The following ARHGEF28 variants were observed in gnomAD, a reference collection of about 807,000 sequenced individuals.
ARHGEF28 encodes 190 kDa guanine nucleotide exchange factor.
A neutral mutation model predicts 206.6 loss-of-function variants in ARHGEF28; 152 were observed. That is an observed-to-expected ratio of 0.74 (90% CI 0.64 to 0.84). The LOEUF is 0.84. Ranked by LOEUF, ARHGEF28 falls within the 40% of genes least tolerant of loss-of-function variation. The probability of loss-of-function intolerance (pLI) is 0.00; values close to 1 mark genes in which losing one functional copy is unlikely to be tolerated. For synonymous variants in ARHGEF28, 763 were observed against 776.4 expected, an observed-to-expected ratio of 0.98 and a Z score of 0.29; for missense variants, 2,028 against 2,073.2, an observed-to-expected ratio of 0.98 and a Z score of 0.42.
intron 2 of ARHGEF28, among the ~76,000 whole-genome samples, chr5:73,705,227 C>T (rs78365679): frequency 0.018 from 2,699 of 152,258 alleles, 106 homozygotes; most frequent in African/African-American, 0.061. Context: ...CACGTTGGGA[C>T]AGAAGCAACC....
At chr5:73,676,077 T>C (rs1296026967) in intron 1 of ARHGEF28, among the ~76,000 whole-genome samples, 3 of 145,028 alleles carry the variant, frequency 2.1e-5, no homozygotes, top group Non-Finnish European at 1.5e-5. Flanking sequence ...TTCTTTTTTT[T>C]TTTTTTTTTT....
At chr5:73,828,916 G>C (rs574167633) in intron 9 of ARHGEF28, among the ~76,000 whole-genome samples, 8 of 152,038 alleles carry the variant, frequency 5.3e-5, no homozygotes, top group African/African-American at 1.9e-4. Flanking sequence ...CACCTCCCAG[G>C]CTCAAGCAAT....
chr5:73,685,733 C>T (rs1747423526), intron 2 of ARHGEF28, among the ~76,000 whole-genome samples: 1 of 152,134 alleles, frequency 6.6e-6, no homozygotes, highest in African/African-American at 2.4e-5. Context: ...AGCGATTCCC[C>T]TGCCTCAGCC....
intron 4 of ARHGEF28, among the ~76,000 whole-genome samples, chr5:73,766,092 C>T (rs1307168963): frequency 2.0e-5 from 3 of 150,386 alleles, no homozygotes; most frequent in Non-Finnish European, 4.4e-5. Flanking sequence ...GTGGAGCTTG[C>T]AGTGAGCTGA....
chr5:73,666,143 A>G (rs1380570005), intron 1 of ARHGEF28, among the ~76,000 whole-genome samples: 1 of 152,236 alleles, frequency 6.6e-6, no homozygotes, highest in Non-Finnish European at 1.5e-5. Context: ...AAGGCAAGAA[A>G]AAAAGGGGTA....
intron 2 of ARHGEF28, among the ~76,000 whole-genome samples, chr5:73,727,735 C>G (rs1023782661): frequency 9.2e-5 from 14 of 152,124 alleles, no homozygotes; most frequent in Admixed American, 6.5e-5. Flanking sequence ...AGAATAAATC[C>G]CTGATTTCAA....
chr5:73,735,780 T>C (rs1561366382), intron 2 of ARHGEF28, among the ~76,000 whole-genome samples: 1 of 152,216 alleles, frequency 6.6e-6, no homozygotes, highest in Non-Finnish European at 1.5e-5. Context: ...CTTCTCCTCC[T>C]ATCCTACTTT....
At chr5:73,937,668 G>A (rs756114499) in intron 35 of ARHGEF28, among the ~76,000 whole-genome samples, 16 of 152,016 alleles carry the variant, frequency 1.1e-4, no homozygotes, top group African/African-American at 3.6e-4. Flanking sequence ...TATGTCCATC[G>A]ATTTACAGGC....
intron 11 of ARHGEF28, among the ~76,000 whole-genome samples, chr5:73,845,273 C>T (rs1383718383): frequency 6.6e-6 from 1 of 152,136 alleles, no homozygotes; most frequent in Admixed American, 6.5e-5. Flanking sequence ...ACCTTGGCCT[C>T]CCAAAGTGTT....
At chr5:73,731,023 A>AAAAC (rs397951908) in intron 2 of ARHGEF28, among the ~76,000 whole-genome samples, 1 of 150,510 alleles carries the variant, frequency 6.6e-6, no homozygotes, top group African/African-American at 2.5e-5. Flanking sequence ...AAAAAAAAAA[A>AAAAC]CCCTCTAATC....
chr5:73,920,603 G>A (rs542121809), intron 35 of ARHGEF28, among the ~76,000 whole-genome samples: 5 of 128,020 alleles, frequency 3.9e-5, no homozygotes, highest in African/African-American at 1.5e-4. Context: ...AAGCTGGACT[G>A]CAGTGGCGCT....
intron 4 of ARHGEF28, among the ~76,000 whole-genome samples, chr5:73,770,429 C>A (rs924127746): frequency 6.6e-6 from 1 of 152,092 alleles, no homozygotes; most frequent in African/African-American, 2.4e-5. Context: ...TGTTATAGGT[C>A]GTACCTTTTA....
chr5:73,831,909 T>C (rs2112559575), intron 9 of ARHGEF28, among the ~76,000 whole-genome samples: 1 of 152,350 alleles, frequency 6.6e-6, no homozygotes, highest in East Asian at 1.9e-4. Flanking sequence ...CAGGCTGGTC[T>C]CGAGCTCCCA....
intron 1 of ARHGEF28, among the ~76,000 whole-genome samples, chr5:73,669,778 C>T (rs1323029495): frequency 6.6e-6 from 1 of 152,162 alleles, no homozygotes; most frequent in Non-Finnish European, 1.5e-5. Context: ...CCTCTGCCTC[C>T]CAGATTCAAG....
intron 1 of ARHGEF28, chr5:73,627,314 A>G (rs1393256728): frequency 6.6e-6 from 1 of 152,222 alleles, no homozygotes. Context: ...TTTCGTTTAT[A>G]AAGAACTGAT....
At chr5:73,646,299 G>C (rs1004658021) in intron 1 of ARHGEF28, among the ~76,000 whole-genome samples, 1 of 152,026 alleles carries the variant, frequency 6.6e-6, no homozygotes, top group African/African-American at 2.4e-5. Context: ...CTTCAATCTG[G>C]CCTCCTGAAA....
chr5:73,940,904 A>C lies in ARHGEF28; in HGVS notation c.5009A>C (p.Gln1670Pro). 6.5e-7 allele frequency: 1 copy of C among 1,534,550 alleles called. No individual in the cohort carries two copies. ...TPHDSNSHRP[Q>P]LQAFITEAKL... ...CATGACTCAAATTCACACCGCCCTC[A>C]ACTGCAGGCGTTTATAACAGAAGCA... is the stretch of plus-strand genomic sequence containing the variant. The change falls in exon 36 of 36, where the codon CAA becomes CCA. Residue 1670 changes from glutamine to proline, a missense_variant. Physicochemically the swap from Gln to Pro is moderately conservative, Grantham distance 76 (BLOSUM62 -1). Coordinates refer to ENST00000513042, the MANE Select transcript of ARHGEF28 (RefSeq NM_001177693.2).
At chr5:73,828,619 TTTTCCTTTTTCCTTTTGTTTCTCCTTTCC>T in intron 9 of ARHGEF28, among the ~76,000 whole-genome samples, 1 of 115,310 alleles carries the variant, frequency 8.7e-6, no homozygotes, top group African/African-American at 3.3e-5. Context: ...TTCCTTTCTT[TTTTCCTTTTTCCTTTTGTTTCTCCTTTCC>T]TTTCCTTTTT....
intron 2 of ARHGEF28, among the ~76,000 whole-genome samples, chr5:73,707,756 C>T (rs1441423177): frequency 6.6e-6 from 1 of 152,166 alleles, no homozygotes; most frequent in Admixed American, 6.5e-5. Context: ...GTCATTAGTT[C>T]TGTTCTAATT....
Sources: allele counts gnomAD v4.1 joint callset (sites outside exome capture counted in the v4.1 genomes callset), GRCh38; gene constraint gnomAD v4.1.1; transcripts MANE v1.5; gene names NCBI Gene and HGNC (gene_info 2026-07-23, HGNC 2026-07-21).